Variants in CD44 observed in about 807,000 individuals in gnomAD.
CD44 encodes the protein CD44 molecule (IN blood group), also known as CD44 antigen.
A neutral mutation model predicts 88.8 loss-of-function variants in CD44; 49 were observed. That is an observed-to-expected ratio of 0.55 (90% CI 0.44 to 0.70). The LOEUF (loss-of-function observed/expected upper bound fraction) is 0.70. Among genes scored for constraint, CD44 ranks in the 30% least tolerant of loss-of-function variants. The pLI is 0.00. For synonymous variants in CD44, 325 were observed against 312.3 expected, an observed-to-expected ratio of 1.04 and a Z score of -0.43; for missense variants, 883 against 913.8, an observed-to-expected ratio of 0.97 and a Z score of 0.43.
At chr11:35,202,148 A>G (rs1407707336) in intron 9 of CD44, among the ~76,000 whole-genome samples, 3 of 152,194 alleles carry the variant, frequency 2.0e-5, no homozygotes, top group African/African-American at 7.2e-5. Context: ...AAGTTTGTCA[A>G]GTGAATTGAT....
At chr11:35,204,816 C>T in intron 10 of CD44, 176 bp downstream of exon 10, 1 of 573,344 alleles carries the variant, frequency 1.7e-6, no homozygotes, top group Non-Finnish European at 3.1e-6. Context: ...TAACAAGTCA[C>T]CTGAACAGGA....
chr11:35,197,108 G>A (rs1946831773), intron 6 of CD44: 3 of 374,740 alleles, frequency 8.0e-6, no homozygotes, highest in Non-Finnish European at 1.5e-5. Context: ...GGCTAATACA[G>A]AGACTATGAA....
chr11:35,206,607 G>A (rs1947865691), intron 11 of CD44, among the ~76,000 whole-genome samples: 2 of 144,268 alleles, frequency 1.4e-5, no homozygotes, highest in South Asian at 4.8e-4. Context: ...AATTGGACTT[G>A]GTTTATGAAA....
intron 1 of CD44, among the ~76,000 whole-genome samples, chr11:35,166,184 G>A (rs187488623): frequency 8.5e-5 from 13 of 152,206 alleles, no homozygotes; most frequent in South Asian, 2.1e-4. Flanking sequence ...AATAAGATCC[G>A]AAAAAGCAGA....
In CD44 at chr11:35,219,306, T is replaced by C. The variant is rs1949099781; in HGVS notation, c.1874-10T>C. On this transcript the variant is annotated splice_polypyrimidine_tract_variant and intron_variant, in intron 15 of 17. Coordinates refer to ENST00000428726, the MANE Select transcript of CD44 (RefSeq NM_000610.4). ...AAACTTTGGTTGAGAGATGTTGTTT[T>C]TCCCCTTAGGACACTCACATGGGAG... The C allele has an allele frequency of 6.2e-7, 1 of 1,611,630 alleles. No homozygotes were observed. Among genetic ancestry groups the C allele is most frequent in the South Asian group, 1.1e-5 (1 of 91,028 alleles).
chr11:35,210,849 C>T (rs1948326837), intron 13 of CD44: 1 of 169,692 alleles, frequency 5.9e-6, no homozygotes, highest in Non-Finnish European at 1.3e-5. Context: ...TAATTGCAGG[C>T]AGCAAAATTT....
At position 35,232,143 on chromosome 11, in the gene CD44, T is replaced by C. The variant is rs1180593240; in HGVS notation, c.*2810T>C. ...TAAGAATAAGAATAACATGGTCCATTCACCTTTATGTTATAGATATGTCTT... is the reference window on the plus strand; with the variant it reads ...TAAGAATAAGAATAACATGGTCCATCCACCTTTATGTTATAGATATGTCTT... On this transcript the variant is annotated 3_prime_UTR_variant, in exon 18 of 18. Transcript: ENST00000428726. 4 of 152,610 alleles carry C rather than the reference T, an allele frequency of 2.6e-5. No homozygotes were observed. The highest frequency in any genetic ancestry group is 5.9e-5 in the Non-Finnish European group (4 of 68,040). The allele number at this position is 152,610 out of a possible 1,614,324, so 9.5% of individuals were successfully genotyped here.
chr11:35,176,878 A>G, intron 2 of CD44, 138 bp downstream of exon 2: 1 of 751,420 alleles, frequency 1.3e-6, no homozygotes, highest in Non-Finnish European at 2.1e-6. Context: ...AATTTGGCCA[A>G]GTCAATCTGC....
At chr11:35,197,122 G>T in intron 6 of CD44, 1 of 311,568 alleles carries the variant, frequency 3.2e-6, no homozygotes. Flanking sequence ...CTATGAAACG[G>T]GAATAAGTTT....
At chr11:35,144,917 T>C (rs2133042124) in intron 1 of CD44, among the ~76,000 whole-genome samples, 1 of 152,366 alleles carries the variant, frequency 6.6e-6, no homozygotes, top group South Asian at 2.1e-4. Context: ...TCAGGACATG[T>C]GTACTTTGGA....
chr11:35,198,339 ATGTG>A, intron 7 of CD44, 93 bp downstream of exon 7: 5 of 1,158,408 alleles, frequency 4.3e-6, no homozygotes, highest in Admixed American at 2.0e-5. Context: ...GAAGTAGTTA[ATGTG>A]AAAAATGGGT....
chr11:35,177,797 T>C (rs1336746248), intron 2 of CD44, among the ~76,000 whole-genome samples: 1 of 152,252 alleles, frequency 6.6e-6, no homozygotes, highest in Non-Finnish European at 1.5e-5. Context: ...ACTAACCACA[T>C]GTGGTGACTT....
intron 15 of CD44, among the ~76,000 whole-genome samples, chr11:35,215,865 C>T (rs11033028): frequency 0.24 from 35,760 of 150,632 alleles, 5,312 homozygotes; most frequent in South Asian, 0.45. Context: ...GAGCAAGACT[C>T]TGTCTCAAAA....
intron 17 of CD44, chr11:35,222,608 T>TATAG: frequency 1.6e-6 from 1 of 637,894 alleles, no homozygotes; most frequent in South Asian, 7.2e-5. Context: ...AATATATATA[T>TATAG]ATATATATAC....
chr11:35,192,510 G>C (rs1351765049), intron 5 of CD44, among the ~76,000 whole-genome samples: 1 of 152,220 alleles, frequency 6.6e-6, no homozygotes, highest in East Asian at 1.9e-4. Flanking sequence ...CAGGGGTCAA[G>C]AGGAGTGCTG....
chr11:35,178,554 C>T (rs545573887), intron 2 of CD44, among the ~76,000 whole-genome samples: 1 of 152,280 alleles, frequency 6.6e-6, no homozygotes, highest in Admixed American at 6.5e-5. Context: ...AGTATGCTTC[C>T]TGGATTTGCT....
chr11:35,225,844 A>C (rs1359282358), intron 17 of CD44, among the ~76,000 whole-genome samples: 1 of 152,110 alleles, frequency 6.6e-6, no homozygotes, highest in African/African-American at 2.4e-5. Context: ...CAAACAAACA[A>C]ACAAACAAAA....
rs528907150 is a variant in CD44, at chr11:35,161,830, T to TG, written c.68-14738dup. Among the ~76,000 whole-genome samples the TG allele has an allele frequency of 4.6e-5, 7 of 152,120 alleles. No individual in the cohort carries two copies. The South Asian group carries it at 1.0e-3, about 23-fold the overall frequency. On this transcript the variant is annotated intron_variant, in intron 1 of 17. Transcript: ENST00000428726. The stretch of plus-strand genomic sequence containing the variant: ...TCCAAATCTTATTTAATCTGTGTGC[T>TG]GGGGGGGAAGAGGAGTGTATTTCCT...
At chr11:35,186,680 A>T in intron 3 of CD44, 152 bp from the exon 4 acceptor site, 1 of 572,194 alleles carries the variant, frequency 1.7e-6, no homozygotes, top group East Asian at 3.0e-5. Flanking sequence ...CAGGAAAGGC[A>T]GAGAAATTCC....
Sources: allele counts gnomAD v4.1 joint callset (sites outside exome capture counted in the v4.1 genomes callset), GRCh38; gene constraint gnomAD v4.1.1; transcripts MANE v1.5; gene names NCBI Gene and HGNC (gene_info 2026-07-23, HGNC 2026-07-21).